NAE1: variants seen among roughly 807,000 people sequenced by gnomAD.
NAE1 encodes the protein NEDD8-activating enzyme E1 regulatory subunit.
NAE1 carries 59 observed loss-of-function variants against 88.0 expected under a neutral mutation model. The observed-to-expected ratio is 0.67, with a 90% CI of 0.54 to 0.83. The LOEUF (loss-of-function observed/expected upper bound fraction) is 0.83, where lower values mean the gene tolerates loss of function less well. NAE1 is among the 40% of genes least tolerant of loss of function. The pLI is 0.00. For synonymous variants in NAE1, 186 were observed against 208.9 expected (o/e 0.89, Z 0.95); for missense variants, 554 against 632.8 (o/e 0.88, Z 1.34).
At chr16:66,828,062 T>C (rs373872430) in intron 1 of NAE1, 18 of 1,613,360 alleles carry the variant, frequency 1.1e-5, no homozygotes, top group African/African-American at 1.1e-4. Flanking sequence ...AGCTGTCAAA[T>C]GTATGGAGGA....
At chr16:66,809,112 T>C (rs746438987) in intron 15 of NAE1, 37 bp from the exon 16 acceptor site, 1 of 1,485,154 alleles carries the variant, frequency 6.7e-7, no homozygotes, top group Non-Finnish European at 9.4e-7. Flanking sequence ...GTAATGACTG[T>C]GACTGGTGAA....
chr16:66,830,742 A>C, intron 1 of NAE1, 105 bp downstream of exon 1: 2 of 1,127,546 alleles, frequency 1.8e-6, no homozygotes, highest in Non-Finnish European at 2.5e-6. Context: ...CCCAGCCTGG[A>C]AGAAGGCCTG....
In NAE1 at chr16:66,803,000, T is replaced by A; in HGVS notation, c.*9A>T. 6.5e-7 allele frequency: 1 copy of A among 1,534,402 alleles called. No individual in the cohort carries two copies. Among genetic ancestry groups the A allele is most frequent in the Non-Finnish European group, 9.0e-7 (1 of 1,107,734 alleles). On this transcript the variant is annotated 3_prime_UTR_variant, in exon 20 of 20. Transcript: ENST00000290810. ...ATCATTAACACACTACTTAAGGTGC[T>A]TGCTTACTCTACAACTGGAAAGTTG...
intron 1 of NAE1, among the ~76,000 whole-genome samples, chr16:66,829,945 G>T (rs892578407): frequency 3.3e-5 from 5 of 152,032 alleles, no homozygotes; most frequent in African/African-American, 1.2e-4. Context: ...GAGTGCAGTG[G>T]CACGATCTCG....
rs1017846338 is a variant in NAE1, at chr16:66,813,949, G to A, written c.841-103C>T. On this transcript the variant is annotated intron_variant, in intron 11 of 19. Transcript: ENST00000290810. ...GATATGTTCTTTGAATTCTCAAATT[G>A]TAATCAAATACAAACTTCTGATTGG... 1.9e-5 allele frequency: 21 copies of A among 1,090,888 alleles called. No individual in the cohort carries two copies. In the Admixed American group the frequency reaches 3.4e-4, roughly 18 times the overall value. 67.6% of individuals were successfully genotyped at this position (1,090,888 alleles called of 1,614,324 possible). A position where few individuals can be genotyped will look rare whatever the true frequency, so the allele number is the denominator to read the frequency against.
rs186346179 is a variant in NAE1 at position 66,802,988 on chromosome 16, T to A, written c.*21A>T. 8 of 1,434,890 alleles carry A rather than the reference T, an allele frequency of 5.6e-6. No individual in the cohort carries two copies. In the East Asian group the frequency reaches 1.6e-4, roughly 29 times the overall value. 88.9% of individuals were successfully genotyped at this position (1,434,890 alleles called of 1,614,324 possible). Reference sequence around the variant, plus strand: ...ATTACAGTTTCAATCATTAACACACTACTTAAGGTGCTTGCTTACTCTACA... The same window carrying A: ...ATTACAGTTTCAATCATTAACACACAACTTAAGGTGCTTGCTTACTCTACA... On this transcript the variant is annotated 3_prime_UTR_variant, in exon 20 of 20. Coordinates refer to ENST00000290810, the MANE Select transcript of NAE1 (RefSeq NM_003905.4).
intron 1 of NAE1, among the ~76,000 whole-genome samples, chr16:66,830,606 C>A (rs1307101102): frequency 1.3e-5 from 2 of 152,204 alleles, no homozygotes; most frequent in Non-Finnish European, 2.9e-5. Context: ...ACCCGGCTGG[C>A]GCTGGGGACC....
chr16:66,816,596 T>C lies in NAE1; in HGVS notation c.825A>G (p.Ala275=). 1 of 1,609,974 alleles carries C rather than the reference T, an allele frequency of 6.2e-7. No individual in the cohort carries two copies. Among genetic ancestry groups the C allele is most frequent in the Non-Finnish European group, 8.5e-7 (1 of 1,176,690 alleles). The change falls in exon 11 of 20, where the codon GCA becomes GCG. Residue 275 remains alanine (A), a synonymous_variant. Coordinates refer to ENST00000290810, the MANE Select transcript of NAE1 (RefSeq NM_003905.4). The part of the protein sequence containing the change: ...FEEAIKNVNT[A]LNTTQIPSSI... ...CTTTCATTACCTGAGTTGTATTTAG[T>C]GCTGTGTTCACATTTTTAATAGCTT...
Position 66,808,969 on chromosome 16 carries a change from C to A in NAE1, c.1237+20G>T. 6.7e-7 allele frequency: 1 copy of A among 1,492,508 alleles called. No individual in the cohort carries two copies. Among genetic ancestry groups the A allele is most frequent in the South Asian group, 1.3e-5 (1 of 78,826 alleles). 92.5% of individuals were successfully genotyped at this position (1,492,508 alleles called of 1,614,324 possible). A position where few individuals can be genotyped will look rare whatever the true frequency, so the allele number is the denominator to read the frequency against. Reference sequence around the variant, plus strand: ...AAATTAATTAAAATTAACCCAGAATCAGAAGGCTATTATACTTACTAATTT... The same window carrying A: ...AAATTAATTAAAATTAACCCAGAATAAGAAGGCTATTATACTTACTAATTT... On this transcript the variant is annotated intron_variant, in intron 16 of 19. Coordinates refer to ENST00000290810, the MANE Select transcript of NAE1 (RefSeq NM_003905.4).
chr16:66,826,403 T>C lies in NAE1; in HGVS notation c.218+120A>G, dbSNP rs1334099643. On this transcript the variant is annotated intron_variant, in intron 3 of 19. Transcript: ENST00000290810. Reference sequence around the variant, plus strand: ...CCTATATTATCTCACTTCCTCACCATAATCCCAAACATAAGGATGATTTCC... The same window carrying C: ...CCTATATTATCTCACTTCCTCACCACAATCCCAAACATAAGGATGATTTCC... 1.4e-5 allele frequency: 13 copies of C among 924,662 alleles called. No homozygotes were observed. The South Asian group carries it at 1.6e-4, about 11-fold the overall frequency. The allele number at this position is 924,662 out of a possible 1,614,324, so 57.3% of individuals were successfully genotyped here.
intron 19 of NAE1, among the ~76,000 whole-genome samples, chr16:66,803,723 T>C (rs1273484783): frequency 6.6e-6 from 1 of 151,988 alleles, no homozygotes; most frequent in Non-Finnish European, 1.5e-5. Flanking sequence ...CCCAAGTAGC[T>C]GGGATTACAG....
intron 3 of NAE1, 144 bp from the exon 4 acceptor site, chr16:66,825,029 A>G (rs1960408479): frequency 2.1e-6 from 1 of 470,968 alleles, no homozygotes; most frequent in Non-Finnish European, 3.6e-6. Context: ...CTGGAGGAAG[A>G]AAATCAGATG....
At chr16:66,822,246 G>A (rs145192363) in intron 6 of NAE1, among the ~76,000 whole-genome samples, 22 of 152,200 alleles carry the variant, frequency 1.4e-4, no homozygotes, top group African/African-American at 4.1e-4. Flanking sequence ...AACAATGTTC[G>A]GTTTAACTGC....
intron 11 of NAE1, among the ~76,000 whole-genome samples, chr16:66,816,290 C>T (rs1039348972): frequency 9.2e-5 from 14 of 151,950 alleles, no homozygotes; most frequent in Admixed American, 1.3e-4. Context: ...CTCAGCCTCC[C>T]GAATAGCTGG....
intron 17 of NAE1, among the ~76,000 whole-genome samples, chr16:66,807,096 CTCAG>C (rs1466527722): frequency 1.3e-5 from 2 of 152,192 alleles, no homozygotes; most frequent in South Asian, 2.1e-4. Context: ...GCATGTCTAA[CTCAG>C]TCAGTCAAGC....
At chr16:66,808,704 G>A (rs1959670165) in intron 16 of NAE1, 91 bp from the exon 17 acceptor site, 2 of 947,088 alleles carry the variant, frequency 2.1e-6, no homozygotes, top group Admixed American at 2.0e-5. Context: ...TGAGTTTCAG[G>A]ACTATTAACT....
chr16:66,808,723 A>T (rs1959670911), intron 16 of NAE1, 110 bp from the exon 17 acceptor site: 2 of 816,354 alleles, frequency 2.4e-6, no homozygotes, highest in East Asian at 5.0e-5. Flanking sequence ...CTGGAGTCAC[A>T]CAATCTCTAC....
At chr16:66,810,518 G>T in intron 14 of NAE1, 105 bp from the exon 15 acceptor site, 1 of 1,155,660 alleles carries the variant, frequency 8.7e-7, no homozygotes, top group Non-Finnish European at 1.3e-6. Context: ...TTCTCCAAGA[G>T]CTGGGAGAGC....
intron 14 of NAE1, 71 bp from the exon 15 acceptor site, chr16:66,810,484 C>A: frequency 7.2e-7 from 1 of 1,388,202 alleles, no homozygotes; most frequent in Non-Finnish European, 1.0e-6. Context: ...GGCACAAAGC[C>A]AATCACTGTG....
Sources: allele counts gnomAD v4.1 joint callset (sites outside exome capture counted in the v4.1 genomes callset), GRCh38; gene constraint gnomAD v4.1.1; transcripts MANE v1.5; gene names NCBI Gene and HGNC (gene_info 2026-07-23, HGNC 2026-07-21).